SMC3: variants seen among roughly 807,000 people sequenced by gnomAD.
The protein encoded by SMC3 is structural maintenance of chromosomes 3, also known as structural maintenance of chromosomes protein 3.
SMC3 carries 20 observed loss-of-function variants against 171.8 expected under a neutral mutation model. The observed-to-expected ratio is 0.12, with a 90% confidence interval of 0.08 to 0.17. SMC3 has a LOEUF of 0.17. Among genes scored for constraint, SMC3 ranks in the 10% least tolerant of loss-of-function variants. The pLI, the probability that SMC3 is intolerant of heterozygous loss-of-function variation, is 1.00. For synonymous variants in SMC3, 464 were observed against 451.1 expected, an observed-to-expected ratio of 1.03 and a Z score of -0.36; for missense variants, 543 against 1,420.4, an observed-to-expected ratio of 0.38 and a Z score of 9.93.
In SMC3 at chr10:110,596,408, C is replaced by T. The variant is rs781647190; in HGVS notation, c.1974C>T (p.Val658=). Residue 658 remains valine, a synonymous_variant, in exon 19 of 29, where the codon GTC becomes GTT. Transcript: ENST00000361804. ...MDCITLEGDQ[V]SHRGALTGGY... is the part of the protein sequence containing the mutation. ...ATGTTTTGTTTATAGGTGACCAAGTCAGCCATCGGGGTGCTCTAACTGGGG... is the reference window on the plus strand; with the variant it reads ...ATGTTTTGTTTATAGGTGACCAAGTTAGCCATCGGGGTGCTCTAACTGGGG... 6 of 1,613,734 alleles carry T rather than the reference C, an allele frequency of 3.7e-6. No individual in the cohort carries two copies. In the Middle Eastern group the frequency reaches 5.0e-4, roughly 133 times the overall value.
chr10:110,582,930 A>G, intron 10 of SMC3, among the ~76,000 whole-genome samples: 1 of 122,536 alleles, frequency 8.2e-6, no homozygotes. Context: ...AGCCTCCTGA[A>G]GTTTTTTTTT....
At chr10:110,584,431 T>C (rs1861076853) in intron 13 of SMC3, 35 bp downstream of exon 13, 1 of 1,452,718 alleles carries the variant, frequency 6.9e-7, no homozygotes, top group Non-Finnish European at 9.6e-7. Flanking sequence ...TAAAAATCTT[T>C]CAGAAGAGAT....
intron 1 of SMC3, 95 bp from the exon 2 acceptor site, chr10:110,568,843 A>G (rs1418518651): frequency 7.9e-6 from 6 of 757,070 alleles, no homozygotes; most frequent in Admixed American, 4.0e-5. Flanking sequence ...CGAGTTTTCT[A>G]TATTGCATTA....
chr10:110,602,511 T>C lies in SMC3; in HGVS notation c.3143T>C (p.Val1048Ala), dbSNP rs1861402344. Residue 1048 changes from valine to alanine, a missense_variant, in exon 26 of 29, where the codon GTA (valine) becomes GCA (alanine). Around this residue, in one of 8 missense-constraint regions of SMC3, gnomAD observed 34 missense variants for 59.1 expected, o/e 0.58. Transcript: ENST00000361804. ...TTCAGTGAAGTATTCCAGAAGTTAG[T>C]ACCTGGTGGCAAAGCTACTTTGGTG... ...KNFSEVFQKL[V>A]PGGKATLVMK... The C allele has an allele frequency of 6.2e-7, 1 of 1,613,484 alleles. No individual in the cohort carries two copies. The highest frequency in any genetic ancestry group is 8.5e-7 in the Non-Finnish European group (1 of 1,179,724).
chr10:110,573,004 C>A (rs963616547), intron 2 of SMC3, among the ~76,000 whole-genome samples: 3 of 152,040 alleles, frequency 2.0e-5, no homozygotes, highest in African/African-American at 7.2e-5. Context: ...AAAAGTACAT[C>A]CTTTCTGGCA....
chr10:110,593,578 C>T (rs187817299), intron 18 of SMC3, among the ~76,000 whole-genome samples: 1 of 149,708 alleles, frequency 6.7e-6, no homozygotes, highest in African/African-American at 2.4e-5. Context: ...TCTCAAAAAA[C>T]AAAGAGACAT....
chr10:110,571,755 A>G (rs991565001), intron 2 of SMC3, among the ~76,000 whole-genome samples: 1 of 151,748 alleles, frequency 6.6e-6, no homozygotes, highest in African/African-American at 2.4e-5. Flanking sequence ...CTTTGTATAC[A>G]TCTTTTTAAT....
At position 110,603,260 on chromosome 10, in the gene SMC3, C is replaced by T. The variant is rs1165246418; in HGVS notation, c.3552C>T (p.Asp1184=). Residue 1184 remains aspartate (D), a synonymous_variant, in exon 28 of 29, where the codon GAC becomes GAT. Transcript: ENST00000361804. The stretch of plus-strand genomic sequence containing the variant: ...GGCCTGAACTGCTTGAGTCAGCTGA[C>T]AAATTCTATGGTGTAAAGTTCAGAA... ...TFRPELLESA[D]KFYGVKFRNK... is the part of the protein sequence containing the mutation. 6.2e-7 allele frequency: 1 copy of T among 1,603,576 alleles called. No individual in the cohort carries two copies. The highest frequency in any genetic ancestry group is 8.5e-7 in the Non-Finnish European group (1 of 1,172,324).
At chr10:110,580,200 A>G (rs1022814308) in intron 7 of SMC3, among the ~76,000 whole-genome samples, 5 of 152,316 alleles carry the variant, frequency 3.3e-5, no homozygotes, top group African/African-American at 1.2e-4. Context: ...GCCATTTTAT[A>G]TAAGGGACTT....
chr10:110,593,650 T>C, intron 18 of SMC3, among the ~76,000 whole-genome samples: 1 of 152,076 alleles, frequency 6.6e-6, no homozygotes, highest in Non-Finnish European at 1.5e-5. Context: ...CTTACAGTAT[T>C]TTGGAGACAT....
intron 4 of SMC3, among the ~76,000 whole-genome samples, chr10:110,576,502 T>C (rs1030419901): frequency 1.6e-4 from 24 of 152,216 alleles, no homozygotes; most frequent in African/African-American, 5.8e-4. Context: ...AATTTTAGGA[T>C]AGAAAATCAT....
intron 19 of SMC3, 41 bp from the exon 20 acceptor site, chr10:110,598,098 A>G (rs748242087): frequency 1.0e-5 from 16 of 1,577,898 alleles, no homozygotes; most frequent in East Asian, 2.2e-5. Flanking sequence ...AACATACGAT[A>G]TATTTACAAC....
chr10:110,570,090 C>T (rs1280555428), intron 2 of SMC3, among the ~76,000 whole-genome samples: 10 of 152,130 alleles, frequency 6.6e-5, no homozygotes, highest in Admixed American at 6.5e-4. Context: ...AGGATACCTG[C>T]ATGGTTAGGT....
In SMC3 at chr10:110,569,004, A is replaced by G; in HGVS notation, c.82A>G (p.Asn28Asp). 1 of 1,596,062 alleles carries G rather than the reference A, an allele frequency of 6.3e-7. No individual in the cohort carries two copies. The highest frequency in any genetic ancestry group is 8.6e-7 in the Non-Finnish European group (1 of 1,163,678). ...TGTAGATCCCTTCAGTTCAAAACAT[A>G]ATGTGATTGGTAAGTGTTCTTGGTT... is the stretch of plus-strand genomic sequence containing the variant. Reference protein sequence around the residue: ...TIVDPFSSKHNVIVGRNGSGK... With the variant: ...TIVDPFSSKHDVIVGRNGSGK... Residue 28 changes from asparagine (N) to aspartate (D), a missense_variant, in exon 2 of 29, where the codon AAT becomes GAT. Physicochemically the swap from Asn to Asp is conservative, Grantham distance 23 (BLOSUM62 1). Coordinates refer to ENST00000361804, the MANE Select transcript of SMC3 (RefSeq NM_005445.4).
At chr10:110,576,794 A>G (rs922070166) in intron 4 of SMC3, among the ~76,000 whole-genome samples, 1 of 152,176 alleles carries the variant, frequency 6.6e-6, no homozygotes, top group African/African-American at 2.4e-5. Context: ...CATAGTTTCT[A>G]TAATCTGGAA....
intron 19 of SMC3, among the ~76,000 whole-genome samples, chr10:110,597,511 G>T (rs1164691145): frequency 6.6e-5 from 10 of 152,176 alleles, no homozygotes; most frequent in Non-Finnish European, 1.0e-4. Context: ...TTTTAAAACT[G>T]CAGATTTATA....
intron 25 of SMC3, 65 bp downstream of exon 25, chr10:110,602,243 T>A: frequency 6.9e-7 from 1 of 1,456,580 alleles, no homozygotes; most frequent in Non-Finnish European, 9.6e-7. Flanking sequence ...CTTTTCAGTT[T>A]GTAAAGATTT....
intron 2 of SMC3, among the ~76,000 whole-genome samples, chr10:110,569,807 A>G (rs1234645508): frequency 2.0e-5 from 3 of 152,220 alleles, no homozygotes; most frequent in African/African-American, 7.2e-5. Context: ...AACAATATGT[A>G]GTCATTATAG....
At chr10:110,577,772 CT>C (rs1860974715) in intron 5 of SMC3, 62 bp from the exon 6 acceptor site, 9 of 1,119,696 alleles carry the variant, frequency 8.0e-6, no homozygotes, top group Admixed American at 3.8e-5. Context: ...TTAAAATGAC[CT>C]TATTTAAAAA....
Sources: gnomAD v4.1 joint callset for allele counts (sites outside exome capture counted in the v4.1 genomes callset) on GRCh38, gnomAD v4.1.1 for gene constraint, gnomAD v4.1.1 regional missense constraint, MANE v1.5 for transcripts, NCBI Gene and HGNC (gene_info 2026-07-23, HGNC 2026-07-21) for gene names.